THRB: variants seen among roughly 807,000 people sequenced by gnomAD.
THRB encodes the protein thyroid hormone receptor beta, also known as nuclear receptor subfamily 1 group A member 2.
A neutral mutation model predicts 47.8 loss-of-function variants in THRB; 12 were observed. That is an observed-to-expected ratio of 0.25 (90% confidence interval 0.16 to 0.41). The LOEUF is 0.41. Ranked by LOEUF, THRB falls within the 10% of genes least tolerant of loss-of-function variation. THRB has a pLI of 1.00. For missense variants in THRB, 348 were observed against 589.2 expected, an observed-to-expected ratio of 0.59 and a Z score of 4.24; for synonymous variants, 218 against 212.2, an observed-to-expected ratio of 1.03 and a Z score of -0.24.
intron 1 of THRB, among the ~76,000 whole-genome samples, chr3:24,398,081 A>G (rs186644628): frequency 6.6e-6 from 1 of 152,264 alleles, no homozygotes; most frequent in Non-Finnish European, 1.5e-5. Flanking sequence ...CAATGGACAT[A>G]ATGATGTTGA....
chr3:24,158,865 TC>T (rs1189525009), intron 5 of THRB, among the ~76,000 whole-genome samples: 10 of 151,832 alleles, frequency 6.6e-5, no homozygotes, highest in Admixed American at 2.0e-4. Flanking sequence ...TCTCTCTCTC[TC>T]TCTCTCGCAT....
rs2054590444 is a variant in THRB, at chr3:24,281,403, CA to C, written c.-43+15822del. On this transcript the variant is annotated intron_variant, in intron 3 of 10. Transcript: ENST00000646209. ...AGCAAATGCTGAGAGATTTTGTCACCACCAGGCCTGCCCTAGAAGAGCTCCT... is the reference window on the plus strand; with the variant it reads ...AGCAAATGCTGAGAGATTTTGTCACCCCAGGCCTGCCCTAGAAGAGCTCCT... 2.6e-5 allele frequency among the ~76,000 whole-genome samples: 4 copies of C among 151,806 alleles called. No individual in the cohort carries two copies. The East Asian group carries it at 7.8e-4, about 29-fold the overall frequency.
chr3:24,165,788 G>A (rs6805493), intron 5 of THRB, among the ~76,000 whole-genome samples: 2,396 of 152,206 alleles, frequency 0.016, 62 homozygotes, highest in African/African-American at 0.053. Context: ...CTTTCAACAT[G>A]ATTATAAAAC....
chr3:24,291,222 T>C (rs888535166), intron 3 of THRB, among the ~76,000 whole-genome samples: 1 of 152,226 alleles, frequency 6.6e-6, no homozygotes, highest in African/African-American at 2.4e-5. Context: ...ATTCCTATGA[T>C]GCAGCAGTTT....
At chr3:24,206,539 A>C (rs1412737450) in intron 4 of THRB, among the ~76,000 whole-genome samples, 1 of 152,220 alleles carries the variant, frequency 6.6e-6, no homozygotes, top group African/African-American at 2.4e-5. Context: ...AATGCCCACA[A>C]GAGAAAGCAG....
At chr3:24,167,832 A>T (rs1333893113) in intron 5 of THRB, among the ~76,000 whole-genome samples, 1 of 152,170 alleles carries the variant, frequency 6.6e-6, no homozygotes, top group African/African-American at 2.4e-5. Flanking sequence ...ATACTTAAAA[A>T]TAATTTTCAG....
chr3:24,218,340 C>CT (rs545127528), intron 4 of THRB, among the ~76,000 whole-genome samples: 8,266 of 115,932 alleles, frequency 0.071, 375 homozygotes, highest in Non-Finnish European at 0.098. Flanking sequence ...CTCTCTCTCT[C>CT]TCTTTTTTTT....
chr3:24,212,868 T>C (rs2046202866), intron 4 of THRB, among the ~76,000 whole-genome samples: 1 of 152,206 alleles, frequency 6.6e-6, no homozygotes, highest in Admixed American at 6.5e-5. Flanking sequence ...TCCTCAAGAT[T>C]AAGGCAGCAG....
Position 24,120,175 on chromosome 3 carries a change from T to G in THRB, c.*2709A>C, listed in dbSNP as rs1353717478. Reference sequence around the variant, plus strand: ...AGCTTCAGAAGGAAGGAGTTTAGTTTCAGAGTCATTATCTTTTGAGTCCTA... The same window carrying G: ...AGCTTCAGAAGGAAGGAGTTTAGTTGCAGAGTCATTATCTTTTGAGTCCTA... On this transcript the variant is annotated 3_prime_UTR_variant, in exon 11 of 11. Coordinates refer to ENST00000646209, the MANE Select transcript of THRB (RefSeq NM_001354712.2). The G allele has an allele frequency of 6.6e-6, 1 of 152,208 alleles. No individual in the cohort carries two copies. The highest frequency in any genetic ancestry group is 1.9e-4 in the East Asian group (1 of 5,194). 9.4% of individuals were successfully genotyped at this position (152,208 alleles called of 1,614,324 possible). A position where few individuals can be genotyped will look rare whatever the true frequency, so the allele number is the denominator to read the frequency against.
intron 3 of THRB, among the ~76,000 whole-genome samples, chr3:24,233,607 G>T (rs1361069549): frequency 2.0e-5 from 3 of 146,986 alleles, no homozygotes; most frequent in African/African-American, 5.1e-5. Flanking sequence ...AAGAAAGAAA[G>T]AAAGAAAGAG....
At chr3:24,447,728 C>G (rs971043853) in intron 1 of THRB, among the ~76,000 whole-genome samples, 1 of 151,994 alleles carries the variant, frequency 6.6e-6, no homozygotes, top group Admixed American at 6.6e-5. Context: ...CAATGAAAGC[C>G]AAGAGAACTC....
intron 5 of THRB, among the ~76,000 whole-genome samples, chr3:24,158,437 G>C (rs1023185848): frequency 1.0e-5 from 1 of 97,356 alleles, no homozygotes; most frequent in Non-Finnish European, 2.2e-5. Context: ...TTTTTTTGGG[G>C]GGAGGGTGGG....
chr3:24,290,657 G>T (rs185044298), intron 3 of THRB, among the ~76,000 whole-genome samples: 3 of 152,172 alleles, frequency 2.0e-5, no homozygotes, highest in Non-Finnish European at 4.4e-5. Flanking sequence ...ATTAGGGGAA[G>T]AAATGTATTT....
At chr3:24,218,104 A>C (rs2046767186) in intron 4 of THRB, among the ~76,000 whole-genome samples, 1 of 151,828 alleles carries the variant, frequency 6.6e-6, no homozygotes, top group African/African-American at 2.4e-5. Context: ...GTCTCTACTA[A>C]AAAATACAAA....
chr3:24,237,592 G>A (rs1479633036), intron 3 of THRB, among the ~76,000 whole-genome samples: 5 of 152,112 alleles, frequency 3.3e-5, no homozygotes, highest in African/African-American at 1.2e-4. Context: ...AGTCACCATG[G>A]CATGTTACAA....
At chr3:24,348,428 T>C (rs901472441) in intron 1 of THRB, 3 of 152,196 alleles carry the variant, frequency 2.0e-5, no homozygotes, top group East Asian at 1.9e-4. Context: ...TGTCACCTAG[T>C]GACATTCAAA....
intron 1 of THRB, among the ~76,000 whole-genome samples, chr3:24,481,996 C>G (rs948709528): frequency 6.6e-6 from 1 of 152,072 alleles, no homozygotes; most frequent in Non-Finnish European, 1.5e-5. Context: ...CTGAAAAATA[C>G]TAGGTCATCT....
chr3:24,438,233 C>T (rs1487099572), intron 1 of THRB, among the ~76,000 whole-genome samples: 2 of 152,060 alleles, frequency 1.3e-5, no homozygotes, highest in African/African-American at 2.4e-5. Flanking sequence ...ACCAGGCCGT[C>T]ATCCTCCACA....
Position 24,362,170 on chromosome 3 carries a change from C to G in THRB, c.-260-24799G>C, listed in dbSNP as rs1283991205. 2.0e-5 allele frequency among the ~76,000 whole-genome samples: 3 copies of G among 152,086 alleles called. No individual in the cohort carries two copies. In the East Asian group the frequency reaches 5.8e-4, roughly 30 times the overall value. ...AGATCTTGCTTTCACCTCCTCAAAA[C>G]CCTTCAGTGGCTCCCATTTTACTGA... is the stretch of plus-strand genomic sequence containing the variant. On this transcript the variant is annotated intron_variant, in intron 1 of 10. Coordinates refer to ENST00000646209, the MANE Select transcript of THRB (RefSeq NM_001354712.2).
Sources: gnomAD v4.1 joint callset for allele counts (sites outside exome capture counted in the v4.1 genomes callset) on GRCh38, gnomAD v4.1.1 for gene constraint, MANE v1.5 for transcripts, NCBI Gene and HGNC (gene_info 2026-07-23, HGNC 2026-07-21) for gene names.